Variants in EXTL3 observed in about 807,000 individuals in gnomAD.
EXTL3 encodes the protein exostosin-like 3.
EXTL3 carries 27 observed loss-of-function variants against 69.3 expected under a neutral mutation model. That is an observed-to-expected ratio of 0.39 (90% CI 0.29 to 0.54). The LOEUF is 0.54. Ranked by LOEUF, EXTL3 falls within the 20% of genes least tolerant of loss-of-function variation. The pLI is 0.69. For missense variants in EXTL3, 1,003 were observed against 1,231.8 expected, an observed-to-expected ratio of 0.81 and a Z score of 2.78; for synonymous variants, 511 against 499.4, an observed-to-expected ratio of 1.02 and a Z score of -0.31.
chr8:28,608,863 C>CAA (rs1184510468), intron 2 of EXTL3, among the ~76,000 whole-genome samples: 2 of 149,538 alleles, frequency 1.3e-5, no homozygotes, highest in East Asian at 4.3e-4. Context: ...TGTCTCAAAA[C>CAA]AAAAACAAAA....
chr8:28,610,353 C>T (rs1181759544), intron 2 of EXTL3, among the ~76,000 whole-genome samples: 1 of 151,988 alleles, frequency 6.6e-6, no homozygotes, highest in Non-Finnish European at 1.5e-5. Flanking sequence ...TCTTTGTTAA[C>T]AGATTGTTAG....
chr8:28,659,446 A>T (rs1406153894), intron 1 of EXTL3, among the ~76,000 whole-genome samples: 1 of 152,200 alleles, frequency 6.6e-6, no homozygotes, highest in Non-Finnish European at 1.5e-5. Flanking sequence ...GAGGATTCTC[A>T]CGCCTGATTA....
At chr8:28,684,445 T>G (rs186765506) in intron 1 of EXTL3, among the ~76,000 whole-genome samples, 1 of 152,310 alleles carries the variant, frequency 6.6e-6, no homozygotes, top group Non-Finnish European at 1.5e-5. Context: ...AAAAATATTT[T>G]TTTATTTTCA....
chr8:28,695,832 G>A (rs532283009), intron 1 of EXTL3, among the ~76,000 whole-genome samples: 216 of 152,304 alleles, frequency 1.4e-3, no homozygotes, highest in African/African-American at 5.1e-3. Flanking sequence ...AGGAGGTGGG[G>A]AGTGTGGGAA....
At chr8:28,742,632 TC>T in intron 5 of EXTL3, 1 of 253,236 alleles carries the variant, frequency 3.9e-6, no homozygotes, top group Non-Finnish European at 7.7e-6. Flanking sequence ...CTGACCAGAC[TC>T]AAGAATCTGT....
intron 1 of EXTL3, among the ~76,000 whole-genome samples, chr8:28,691,845 C>T (rs1298608433): frequency 6.6e-6 from 1 of 151,348 alleles, no homozygotes; most frequent in African/African-American, 2.4e-5. Flanking sequence ...TGTGGTGTGC[C>T]GAGATCACAC....
intron 1 of EXTL3, among the ~76,000 whole-genome samples, chr8:28,693,891 A>G (rs1800651262): frequency 6.6e-6 from 1 of 152,260 alleles, no homozygotes; most frequent in African/African-American, 2.4e-5. Context: ...TCATTTATAT[A>G]TAGAAAAGAT....
intron 1 of EXTL3, among the ~76,000 whole-genome samples, chr8:28,683,911 C>T (rs962852558): frequency 6.6e-6 from 1 of 152,010 alleles, no homozygotes; most frequent in Admixed American, 6.6e-5. Context: ...CATTAACCAT[C>T]CCCCCTTTCC....
At chr8:28,645,955 C>G (rs1806822277) in intron 1 of EXTL3, among the ~76,000 whole-genome samples, 1 of 152,048 alleles carries the variant, frequency 6.6e-6, no homozygotes, top group Non-Finnish European at 1.5e-5. Flanking sequence ...CTCAACTTCT[C>G]AGGCTCCGGA....
chr8:28,675,222 T>C (rs893158366), intron 1 of EXTL3, among the ~76,000 whole-genome samples: 9 of 152,100 alleles, frequency 5.9e-5, no homozygotes, highest in Non-Finnish European at 8.8e-5. Context: ...AAATAAGAGA[T>C]TCCCTATGAT....
chr8:28,722,511 C>T (rs1005458647), intron 3 of EXTL3, among the ~76,000 whole-genome samples: 2 of 152,064 alleles, frequency 1.3e-5, no homozygotes, highest in African/African-American at 4.8e-5. Flanking sequence ...CGCAGTGGCT[C>T]ACGCCTGTAA....
intron 2 of EXTL3, among the ~76,000 whole-genome samples, chr8:28,611,884 C>T (rs936082168): frequency 1.3e-5 from 2 of 152,196 alleles, no homozygotes; most frequent in Non-Finnish European, 2.9e-5. Context: ...CAGCCGCTGT[C>T]ACCCACCCCA....
Position 28,712,997 on chromosome 8 carries a change from G to A in EXTL3, c.-569-460G>A, listed in dbSNP as rs140427351. ...AGCCCCCATGGGTACCCATCATTCA[G>A]TGTCAACAGCAGTCAGCTCACGGCC... is the stretch of plus-strand genomic sequence containing the variant. On this transcript the variant is annotated intron_variant, in intron 1 of 6. Transcript: ENST00000220562. Among the ~76,000 whole-genome samples the A allele has an allele frequency of 7.0e-3, 1,072 of 152,282 alleles. 9 individuals are homozygous for A. Among genetic ancestry groups the A allele is most frequent in the South Asian group, 0.034 (165 of 4,816 alleles).
In EXTL3 at chr8:28,717,415, C is replaced by T. The variant is rs200003224; in HGVS notation, c.1356C>T (p.Phe452=). The T allele has an allele frequency of 2.1e-5, 34 of 1,614,166 alleles. No homozygotes were observed. The highest frequency in any genetic ancestry group is 6.7e-5 in the Admixed American group (4 of 60,032). The change falls in exon 3 of 7, where the codon TTC becomes TTT. Residue 452 remains phenylalanine, a synonymous_variant. Coordinates refer to ENST00000220562, the MANE Select transcript of EXTL3 (RefSeq NM_001440.4). The surrounding 1 kb of genome is among the most constrained non-coding windows in gnomAD (Gnocchi z 8.3). ...VISSGCATRL[F]EALEVGAVPV... ...CCTCTGGGTGTGCAACACGGCTCTT[C>T]GAAGCCCTGGAAGTCGGTGCCGTCC...
chr8:28,616,481 G>A (rs1390099946), intron 2 of EXTL3, among the ~76,000 whole-genome samples: 1 of 152,156 alleles, frequency 6.6e-6, no homozygotes, highest in Non-Finnish European at 1.5e-5. Flanking sequence ...TAAAAAATTA[G>A]CAGGGCGTGG....
At chr8:28,698,993 C>CA (rs1563207294), upstream of EXTL3, among the ~76,000 whole-genome samples, 1 of 151,686 alleles carries the variant, frequency 6.6e-6, no homozygotes, top group African/African-American at 2.4e-5. Context: ...GACTCCGTCT[C>CA]AAAACAAAAA....
chr8:28,705,652 G>A (rs780502463), intron 1 of EXTL3, among the ~76,000 whole-genome samples: 1 of 151,862 alleles, frequency 6.6e-6, no homozygotes. Context: ...GGGCACTAAC[G>A]ATATCAATTG....
At chr8:28,681,957 G>T (rs552496091) in intron 1 of EXTL3, among the ~76,000 whole-genome samples, 1 of 152,328 alleles carries the variant, frequency 6.6e-6, no homozygotes, top group East Asian at 1.9e-4. Context: ...TACTCGGGAG[G>T]CTGAGGCAGG....
chr8:28,660,547 T>C (rs1048501916), intron 1 of EXTL3, among the ~76,000 whole-genome samples: 1 of 152,206 alleles, frequency 6.6e-6, no homozygotes, highest in Non-Finnish European at 1.5e-5. Context: ...TGTTAAAATA[T>C]ACATAACACA....
Sources: gnomAD v4.1 joint callset for allele counts (sites outside exome capture counted in the v4.1 genomes callset) on GRCh38, gnomAD v4.1.1 for gene constraint, Gnocchi (gnomAD v3.1) non-coding constraint, MANE v1.5 for transcripts, NCBI Gene and HGNC (gene_info 2026-07-23, HGNC 2026-07-21) for gene names.